The following PID1 variants were observed in gnomAD, a reference collection of about 807,000 sequenced individuals.
The protein encoded by PID1 is phosphotyrosine interaction domain containing 1, also known as PTB-containing, cubilin and LRP1-interacting protein.
A neutral mutation model predicts 19.1 loss-of-function variants in PID1; 10 were observed. The ratio of observed to expected loss-of-function variants is 0.52; its 90% CI spans 0.32 to 0.89. The LOEUF (loss-of-function observed/expected upper bound fraction) is 0.89, where lower values mean the gene tolerates loss of function less well. Among genes scored for constraint, PID1 ranks in the 40% least tolerant of loss-of-function variants. The probability of loss-of-function intolerance (pLI) is 0.03; values close to 1 mark genes in which losing one functional copy is unlikely to be tolerated. For missense variants in PID1, 248 were observed against 285.3 expected, an observed-to-expected ratio of 0.87 and a Z score of 0.94; for synonymous variants, 130 against 116.0, an observed-to-expected ratio of 1.12 and a Z score of -0.78.
chr2:229,065,044 C>T (rs1694293732), intron 2 of PID1, among the ~76,000 whole-genome samples: 1 of 152,102 alleles, frequency 6.6e-6, no homozygotes, highest in African/African-American at 2.4e-5. Flanking sequence ...CAATCACTGG[C>T]CCCATATTGA....
chr2:229,194,078 G>C (rs1032868321), intron 1 of PID1, among the ~76,000 whole-genome samples: 4 of 152,062 alleles, frequency 2.6e-5, no homozygotes, highest in African/African-American at 9.7e-5. Context: ...GAAAATTCTG[G>C]GAGGGAATTA....
intron 2 of PID1, among the ~76,000 whole-genome samples, chr2:229,146,043 A>C (rs1195127485): frequency 6.6e-6 from 1 of 152,168 alleles, no homozygotes; most frequent in Non-Finnish European, 1.5e-5. Flanking sequence ...AACCTAAAAA[A>C]CTGATGAACT....
intron 2 of PID1, among the ~76,000 whole-genome samples, chr2:229,054,431 G>A (rs1473538334): frequency 1.3e-5 from 2 of 152,168 alleles, no homozygotes; most frequent in Non-Finnish European, 2.9e-5. Flanking sequence ...ACACTAGGTA[G>A]AATCTATGAT....
intron 1 of PID1, among the ~76,000 whole-genome samples, chr2:229,176,188 A>C (rs958941776): frequency 1.3e-5 from 2 of 152,222 alleles, no homozygotes; most frequent in African/African-American, 4.8e-5. Flanking sequence ...CAAAACAAAA[A>C]AAGATTAGCA....
chr2:229,166,774 T>G (rs753159476), intron 1 of PID1, among the ~76,000 whole-genome samples: 1 of 152,184 alleles, frequency 6.6e-6, no homozygotes, highest in Non-Finnish European at 1.5e-5. Flanking sequence ...CCAGGGCATC[T>G]TGTTGAGCTA....
At chr2:229,144,194 C>T (rs1690077731) in intron 2 of PID1, among the ~76,000 whole-genome samples, 1 of 152,070 alleles carries the variant, frequency 6.6e-6, no homozygotes, top group Non-Finnish European at 1.5e-5. Context: ...AGACGTGCTC[C>T]AGCATAACAC....
intron 1 of PID1, among the ~76,000 whole-genome samples, chr2:229,267,952 G>T (rs1348695519): frequency 6.6e-6 from 1 of 152,122 alleles, no homozygotes; most frequent in Admixed American, 6.5e-5. Flanking sequence ...CTGCTGTGCA[G>T]ACGGGAAGGT....
intron 1 of PID1, among the ~76,000 whole-genome samples, chr2:229,163,638 GGAGA>G (rs138493662): frequency 0.058 from 8,186 of 141,898 alleles, 309 homozygotes; most frequent in South Asian, 0.17. Context: ...AGAGACAGAG[GGAGA>G]GAGAGAGAGT....
At chr2:229,134,712 C>T (rs948468790) in intron 2 of PID1, among the ~76,000 whole-genome samples, 6 of 152,102 alleles carry the variant, frequency 3.9e-5, no homozygotes, top group African/African-American at 1.4e-4. Context: ...AAGATGAATG[C>T]AGAGTACATG....
chr2:229,193,112 T>C (rs1691298188), intron 1 of PID1, among the ~76,000 whole-genome samples: 3 of 152,200 alleles, frequency 2.0e-5, no homozygotes, highest in Admixed American at 2.0e-4. Flanking sequence ...ATCAGGAATA[T>C]GGGCAGGGCT....
rs1693390567 is a variant in PID1, at chr2:229,025,383, G to T, written c.*249C>A. ...GCATTGGGAAATGAGAAAAATAAGA[G>T]AGCCTAGAACCTTCCTCCCCATCCA... On this transcript the variant is annotated 3_prime_UTR_variant, in exon 3 of 3. Coordinates refer to ENST00000392055, the MANE Select transcript of PID1 (RefSeq NM_001100818.2). 1 of 401,228 alleles carries T rather than the reference G, an allele frequency of 2.5e-6. No homozygotes were observed. Among genetic ancestry groups the T allele is most frequent in the Non-Finnish European group, 4.4e-6 (1 of 226,798 alleles). The allele number at this position is 401,228 out of a possible 1,614,324, so 24.9% of individuals were successfully genotyped here. A position where few individuals can be genotyped will look rare whatever the true frequency, so the allele number is the denominator to read the frequency against.
intron 1 of PID1, among the ~76,000 whole-genome samples, chr2:229,245,474 G>A (rs78665326): frequency 0.14 from 21,424 of 152,092 alleles, 1,697 homozygotes; most frequent in South Asian, 0.18. Flanking sequence ...GTATGAAGAT[G>A]CTACTTGTTT....
intron 1 of PID1, among the ~76,000 whole-genome samples, chr2:229,176,271 A>C (rs924708100): frequency 6.6e-6 from 1 of 152,210 alleles, no homozygotes; most frequent in Non-Finnish European, 1.5e-5. Context: ...AACAAACCCT[A>C]AGTCCACATG....
At chr2:229,063,883 T>A (rs1694266540) in intron 2 of PID1, among the ~76,000 whole-genome samples, 1 of 152,140 alleles carries the variant, frequency 6.6e-6, no homozygotes, top group South Asian at 2.1e-4. Flanking sequence ...TATAATAACC[T>A]TCTTTGTCTC....
chr2:229,043,694 G>C (rs1327613149), intron 2 of PID1, among the ~76,000 whole-genome samples: 4 of 152,096 alleles, frequency 2.6e-5, no homozygotes, highest in African/African-American at 4.8e-5. Context: ...TCTTATTTTA[G>C]GACACAGCAG....
intron 1 of PID1, among the ~76,000 whole-genome samples, chr2:229,268,012 A>G (rs1690637293): frequency 6.6e-6 from 1 of 152,202 alleles, no homozygotes; most frequent in Admixed American, 6.5e-5. Flanking sequence ...GGGGTGGTAA[A>G]TTAAATCTTC....
chr2:229,178,046 A>C (rs1392875656), intron 1 of PID1, among the ~76,000 whole-genome samples: 2 of 152,168 alleles, frequency 1.3e-5, no homozygotes. Flanking sequence ...TACAGGCCCA[A>C]GTCAGAGACT....
At chr2:229,193,664 T>G (rs1464251665) in intron 1 of PID1, among the ~76,000 whole-genome samples, 1 of 151,944 alleles carries the variant, frequency 6.6e-6, no homozygotes, top group Non-Finnish European at 1.5e-5. Context: ...ATTTGTTATG[T>G]CGTGTGTGTG....
intron 2 of PID1, among the ~76,000 whole-genome samples, chr2:229,114,146 T>TCTCTCC (rs1695361313): frequency 2.0e-5 from 3 of 146,756 alleles, no homozygotes; most frequent in African/African-American, 7.7e-5. Context: ...TCTCTCTCTC[T>TCTCTCC]CTCTTTCTCT....
Sources: allele counts gnomAD v4.1 joint callset (sites outside exome capture counted in the v4.1 genomes callset), GRCh38; gene constraint gnomAD v4.1.1; transcripts MANE v1.5; gene names NCBI Gene and HGNC (gene_info 2026-07-23, HGNC 2026-07-21).